The following GRM8 variants were observed in gnomAD, a reference collection of about 807,000 sequenced individuals.
GRM8 encodes the protein glutamate metabotropic receptor 8, also known as metabotropic glutamate receptor 8.
Under a neutral mutation model 87.2 loss-of-function variants are expected in GRM8, and 47 were observed. That is an observed-to-expected ratio of 0.54 (90% CI 0.43 to 0.69). The LOEUF is 0.69. Ranked by LOEUF, GRM8 falls within the 30% of genes least tolerant of loss-of-function variation. The pLI is 0.00. For missense variants in GRM8, 1,019 were observed against 1,139.2 expected (o/e 0.89, Z 1.52); for synonymous variants, 396 against 404.5 (o/e 0.98, Z 0.25).
At chr7:126,998,760 G>A (rs1052209583) in intron 3 of GRM8, among the ~76,000 whole-genome samples, 1 of 151,476 alleles carries the variant, frequency 6.6e-6, no homozygotes, top group East Asian at 1.9e-4. Flanking sequence ...AGACATTGAA[G>A]ATACAAAAAA....
At chr7:126,907,615 A>T (rs191664739) in intron 3 of GRM8, among the ~76,000 whole-genome samples, 1 of 152,266 alleles carries the variant, frequency 6.6e-6, no homozygotes, top group Non-Finnish European at 1.5e-5. Context: ...GTGGCTCTGC[A>T]GGGCCTGTGG....
intron 2 of GRM8, among the ~76,000 whole-genome samples, chr7:127,191,840 C>T (rs1795045161): frequency 6.6e-6 from 1 of 152,102 alleles, no homozygotes; most frequent in Non-Finnish European, 1.5e-5. Flanking sequence ...TTCTGACAAG[C>T]TTCGTTTTTC....
intron 6 of GRM8, among the ~76,000 whole-genome samples, chr7:126,807,276 A>C (rs940147886): frequency 1.3e-5 from 2 of 151,988 alleles, no homozygotes; most frequent in Non-Finnish European, 2.9e-5. Context: ...CAAGTTCACA[A>C]AAAAAAATAT....
chr7:127,097,894 T>C (rs1485959600), intron 3 of GRM8, among the ~76,000 whole-genome samples: 1 of 152,230 alleles, frequency 6.6e-6, no homozygotes, highest in Non-Finnish European at 1.5e-5. Flanking sequence ...AAAGCACTTA[T>C]TTGAATGCTG....
At chr7:127,052,296 T>C (rs538799592) in intron 3 of GRM8, among the ~76,000 whole-genome samples, 1 of 152,234 alleles carries the variant, frequency 6.6e-6, no homozygotes, top group South Asian at 2.1e-4. Context: ...ATATTGGTGC[T>C]CAAATAGAAA....
intron 7 of GRM8, among the ~76,000 whole-genome samples, chr7:126,714,829 T>A (rs1352458541): frequency 6.6e-6 from 1 of 151,628 alleles, no homozygotes; most frequent in East Asian, 1.9e-4. Flanking sequence ...TATATGTGTA[T>A]ATATATATAT....
intron 9 of GRM8, among the ~76,000 whole-genome samples, chr7:126,501,351 C>T (rs893254978): frequency 2.6e-5 from 4 of 151,880 alleles, no homozygotes; most frequent in Non-Finnish European, 4.4e-5. Context: ...TCTGAATTTT[C>T]AAACAAAAAA....
At chr7:126,769,367 TGA>T (rs1818577711) in intron 7 of GRM8, among the ~76,000 whole-genome samples, 1 of 152,104 alleles carries the variant, frequency 6.6e-6, no homozygotes, top group Non-Finnish European at 1.5e-5. Context: ...TCCGAAGGAC[TGA>T]GTCATTGAGA....
chr7:126,897,856 A>G (rs1801694804), intron 6 of GRM8, among the ~76,000 whole-genome samples: 1 of 152,154 alleles, frequency 6.6e-6, no homozygotes, highest in Admixed American at 6.6e-5. Flanking sequence ...CTGAGATTCT[A>G]GAGGGGAAAA....
intron 8 of GRM8, among the ~76,000 whole-genome samples, chr7:126,560,503 A>G (rs1011143773): frequency 1.3e-5 from 2 of 152,204 alleles, no homozygotes; most frequent in African/African-American, 4.8e-5. Context: ...AAATCTCTGC[A>G]TAGAGATGAA....
intron 9 of GRM8, among the ~76,000 whole-genome samples, chr7:126,528,422 G>A (rs2237741): frequency 0.36 from 55,331 of 151,908 alleles, 10,208 homozygotes; most frequent in Middle Eastern, 0.41. Context: ...GAGTGCTGAA[G>A]AGAAAATGGT....
intron 3 of GRM8, among the ~76,000 whole-genome samples, chr7:127,071,679 G>A (rs1252972524): frequency 1.3e-5 from 2 of 152,090 alleles, no homozygotes; most frequent in Non-Finnish European, 2.9e-5. Context: ...TAGATAATAG[G>A]AAACACTGTA....
intron 6 of GRM8, among the ~76,000 whole-genome samples, chr7:126,849,276 G>T (rs573721625): frequency 6.6e-6 from 1 of 152,194 alleles, no homozygotes; most frequent in East Asian, 1.9e-4. Context: ...GTTTTGATGA[G>T]AAAGCATATA....
intron 9 of GRM8, among the ~76,000 whole-genome samples, chr7:126,491,523 A>C (rs1562877094): frequency 6.6e-6 from 1 of 152,088 alleles, no homozygotes; most frequent in Non-Finnish European, 1.5e-5. Flanking sequence ...AAGTATGCAA[A>C]TGTAAATGTA....
At chr7:126,909,336 C>T (rs1013189678) in intron 3 of GRM8, among the ~76,000 whole-genome samples, 1 of 152,274 alleles carries the variant, frequency 6.6e-6, no homozygotes, top group Non-Finnish European at 1.5e-5. Flanking sequence ...CCATACAATA[C>T]TCCACATCCA....
intron 9 of GRM8, among the ~76,000 whole-genome samples, chr7:126,477,591 G>GA (rs75426838): frequency 7.0e-4 from 35 of 49,818 alleles, no homozygotes; most frequent in Non-Finnish European, 1.2e-3. Context: ...GAGAAAGAAA[G>GA]AAAGAAAGAA....
chr7:127,058,171 G>A (rs936321845), intron 3 of GRM8: 1 of 520,232 alleles, frequency 1.9e-6, no homozygotes, highest in African/African-American at 1.9e-5. Flanking sequence ...TTGACACAAT[G>A]TCATGGCATA....
At position 126,471,161 on chromosome 7, in the gene GRM8, G is replaced by T. The variant is rs1412822309; in HGVS notation, c.2431-24789C>A. 4.6e-5 allele frequency among the ~76,000 whole-genome samples: 7 copies of T among 151,824 alleles called. No homozygotes were observed. In the East Asian group the frequency reaches 1.4e-3, roughly 29 times the overall value. On this transcript the variant is annotated intron_variant, in intron 9 of 10. Transcript: ENST00000339582. Reference sequence around the variant, plus strand: ...GGGTTGCCTGTTCACTCTGATGGTAGTTTCTTTTGCTGTGCAGAAGCTCTT... The same window carrying T: ...GGGTTGCCTGTTCACTCTGATGGTATTTTCTTTTGCTGTGCAGAAGCTCTT...
At chr7:126,677,225 A>T (rs1422690402) in intron 7 of GRM8, among the ~76,000 whole-genome samples, 1 of 152,196 alleles carries the variant, frequency 6.6e-6, no homozygotes, top group East Asian at 1.9e-4. Flanking sequence ...GATGTAGTGA[A>T]AGGGAACACT....
Sources: allele counts gnomAD v4.1 joint callset (sites outside exome capture counted in the v4.1 genomes callset), GRCh38; gene constraint gnomAD v4.1.1; transcripts MANE v1.5; gene names NCBI Gene and HGNC (gene_info 2026-07-23, HGNC 2026-07-21).